Variants in TMTC1 observed in about 807,000 individuals in gnomAD.
TMTC1 encodes the protein protein O-mannosyl-transferase TMTC1.
In TMTC1, 73 loss-of-function variants were observed where a neutral mutation model predicts 104.8. That is an observed-to-expected ratio of 0.70 (90% CI 0.58 to 0.85). TMTC1 has a LOEUF of 0.85. TMTC1 is among the 40% of genes least tolerant of loss of function. The probability of loss-of-function intolerance (pLI) is 0.00; values close to 1 mark genes in which losing one functional copy is unlikely to be tolerated. For missense variants in TMTC1, 1,035 were observed against 1,096.1 expected (o/e 0.94, Z 0.79); for synonymous variants, 434 against 428.7 (o/e 1.01, Z -0.15).
intron 11 of TMTC1, among the ~76,000 whole-genome samples, chr12:29,525,804 A>G (rs1944327681): frequency 6.6e-6 from 1 of 152,198 alleles, no homozygotes; most frequent in African/African-American, 2.4e-5. Context: ...TGAATAAGAC[A>G]ATCTAGTTGA....
chr12:29,691,004 T>C (rs1213415552), intron 5 of TMTC1, among the ~76,000 whole-genome samples: 2 of 152,240 alleles, frequency 1.3e-5, no homozygotes, highest in African/African-American at 2.4e-5. Context: ...ATTCAGTTCA[T>C]AGTTTGACTC....
At chr12:29,673,362 A>C (rs1166463124) in intron 5 of TMTC1, among the ~76,000 whole-genome samples, 1 of 152,252 alleles carries the variant, frequency 6.6e-6, no homozygotes, top group Non-Finnish European at 1.5e-5. Context: ...GATAACTGTC[A>C]GCATGTCAAT....
intron 5 of TMTC1, 25 bp downstream of exon 5, chr12:29,751,641 G>C (rs935364950): frequency 6.2e-7 from 1 of 1,613,394 alleles, no homozygotes; most frequent in Admixed American, 1.7e-5. Context: ...AAAACATGCA[G>C]GGACCAAGAA....
chr12:29,630,496 AC>A (rs1341195154), intron 6 of TMTC1, among the ~76,000 whole-genome samples: 1 of 152,168 alleles, frequency 6.6e-6, no homozygotes, highest in Non-Finnish European at 1.5e-5. Flanking sequence ...TATGGGAACT[AC>A]AATTCAATTT....
intron 17 of TMTC1, 44 bp downstream of exon 17, chr12:29,511,999 C>G (rs1329760448): frequency 1.3e-6 from 2 of 1,554,278 alleles, no homozygotes; most frequent in Non-Finnish European, 8.9e-7. Flanking sequence ...AGAGAAAACA[C>G]AGGGGGAAAG....
intron 8 of TMTC1, among the ~76,000 whole-genome samples, chr12:29,580,977 C>T (rs1945964252): frequency 6.6e-6 from 1 of 152,172 alleles, no homozygotes; most frequent in Non-Finnish European, 1.5e-5. Flanking sequence ...ATGCCAGAAA[C>T]TGTCCTGTGC....
In TMTC1 at chr12:29,582,016, A is replaced by G. The variant is rs560810975; in HGVS notation, c.1418+1391T>C. Among the ~76,000 whole-genome samples, 4 of 152,334 alleles carry G rather than the reference A, an allele frequency of 2.6e-5. No individual in the cohort carries two copies. In the East Asian group the frequency reaches 7.7e-4, roughly 29 times the overall value. ...AAACAATCCACACAAAAAACTCTACATTGAGCTCCCTACAGTACCCGCTGA... is the reference window on the plus strand; with the variant it reads ...AAACAATCCACACAAAAAACTCTACGTTGAGCTCCCTACAGTACCCGCTGA... On this transcript the variant is annotated intron_variant, in intron 8 of 17. Transcript: ENST00000539277.
At chr12:29,753,793 G>T (rs756885325) in intron 4 of TMTC1, among the ~76,000 whole-genome samples, 20 of 152,204 alleles carry the variant, frequency 1.3e-4, no homozygotes, top group Non-Finnish European at 2.6e-4. Flanking sequence ...TGTGTTGAAC[G>T]GGTGGACAAA....
intron 5 of TMTC1, among the ~76,000 whole-genome samples, chr12:29,725,886 C>T (rs1942375087): frequency 6.6e-6 from 1 of 152,194 alleles, no homozygotes; most frequent in Admixed American, 6.5e-5. Context: ...AAATTCAACA[C>T]TTTATTTTTT....
chr12:29,560,797 G>A (rs1247321951), intron 9 of TMTC1, among the ~76,000 whole-genome samples: 11 of 152,058 alleles, frequency 7.2e-5, no homozygotes, highest in Non-Finnish European at 1.3e-4. Flanking sequence ...GCAGTCAAGG[G>A]CATCATTCCT....
intron 7 of TMTC1, among the ~76,000 whole-genome samples, chr12:29,583,783 C>G (rs1224346291): frequency 6.6e-6 from 1 of 152,150 alleles, no homozygotes; most frequent in Non-Finnish European, 1.5e-5. Context: ...ATATTTCTTG[C>G]TATTTCTTCA....
Position 29,501,307 on chromosome 12 carries a change from A to G in TMTC1, c.*5539T>C, listed in dbSNP as rs1351024859. 1 of 152,258 alleles carries G rather than the reference A, an allele frequency of 6.6e-6. No homozygotes were observed. Among genetic ancestry groups the G allele is most frequent in the Non-Finnish European group, 1.5e-5 (1 of 68,054 alleles). The allele number at this position is 152,258 out of a possible 1,614,324, so 9.4% of individuals were successfully genotyped here. A position where few individuals can be genotyped will look rare whatever the true frequency, so the allele number is the denominator to read the frequency against. On this transcript the variant is annotated 3_prime_UTR_variant, in exon 18 of 18. Transcript: ENST00000539277. ...TCACTTTTAGGGTTGTATCATTTAA[A>G]AAAGGGGCAACATTTATGAATTATC...
chr12:29,563,624 T>C (rs1417019542), intron 9 of TMTC1, among the ~76,000 whole-genome samples: 1 of 152,096 alleles, frequency 6.6e-6, no homozygotes, highest in East Asian at 1.9e-4. Flanking sequence ...TTCTGCAAAA[T>C]ATCAAGAGCT....
chr12:29,675,983 CAG>C (rs1295364490), intron 5 of TMTC1, among the ~76,000 whole-genome samples: 1 of 152,176 alleles, frequency 6.6e-6, no homozygotes, highest in Admixed American at 6.5e-5. Flanking sequence ...TTGATTCTAA[CAG>C]AAGCTGATAT....
At chr12:29,551,363 C>T (rs928481605) in intron 10 of TMTC1, among the ~76,000 whole-genome samples, 1 of 152,076 alleles carries the variant, frequency 6.6e-6, no homozygotes. Flanking sequence ...TAATGGTTAC[C>T]CTTATTTCTG....
chr12:29,545,629 T>TCACACACA lies in TMTC1; in HGVS notation c.1677-9320_1677-9313dup, dbSNP rs55958433. 6.8e-3 allele frequency among the ~76,000 whole-genome samples: 501 copies of TCACACACA among 73,552 alleles called. 5 individuals carry two copies. Among genetic ancestry groups the TCACACACA allele is most frequent in the African/African-American group, 0.015 (257 of 17,512 alleles). The allele number at this position is 73,552 out of a possible 152,430, so 48.3% of individuals were successfully genotyped here. On this transcript the variant is annotated intron_variant, in intron 10 of 17. Coordinates refer to ENST00000539277, the MANE Select transcript of TMTC1 (RefSeq NM_001193451.2). ...GTCTGGGCAACAGAGCAAGACTCTG[T>TCACACACA]CACACACACACACACACACACACAC...
chr12:29,567,547 G>A (rs142963801), intron 9 of TMTC1, among the ~76,000 whole-genome samples: 1 of 152,272 alleles, frequency 6.6e-6, no homozygotes, highest in African/African-American at 2.4e-5. Context: ...ATATTAGAAA[G>A]CATATTTGAG....
At chr12:29,549,440 A>G (rs950796899) in intron 10 of TMTC1, among the ~76,000 whole-genome samples, 13 of 152,178 alleles carry the variant, frequency 8.5e-5, no homozygotes, top group Admixed American at 4.6e-4. Flanking sequence ...GAAATTGTCT[A>G]CGTTATTTTG....
At chr12:29,743,753 C>T (rs1163683187) in intron 5 of TMTC1, among the ~76,000 whole-genome samples, 2 of 152,010 alleles carry the variant, frequency 1.3e-5, no homozygotes, top group Admixed American at 6.6e-5. Flanking sequence ...ACTGATACAG[C>T]TTTTATTACA....
Sources: allele counts gnomAD v4.1 joint callset (sites outside exome capture counted in the v4.1 genomes callset), GRCh38; gene constraint gnomAD v4.1.1; transcripts MANE v1.5; gene names NCBI Gene and HGNC (gene_info 2026-07-23, HGNC 2026-07-21).